The following UBTD2 variants were observed in gnomAD, a reference collection of about 807,000 sequenced individuals.
The protein encoded by UBTD2 is ubiquitin domain-containing protein 2.
A neutral mutation model predicts 19.8 loss-of-function variants in UBTD2; 9 were observed. The ratio of observed to expected loss-of-function variants is 0.46; its 90% CI spans 0.27 to 0.79. The LOEUF is 0.79. Among genes scored for constraint, UBTD2 ranks in the 30% least tolerant of loss-of-function variants. The pLI, the probability that UBTD2 is intolerant of heterozygous loss-of-function variation, is 0.14. For synonymous variants in UBTD2, 98 were observed against 103.9 expected (o/e 0.94, Z 0.35); for missense variants, 250 against 300.4 (o/e 0.83, Z 1.24).
chr5:172,234,954 T>C (rs1340556223), intron 1 of UBTD2, among the ~76,000 whole-genome samples: 2 of 145,278 alleles, frequency 1.4e-5, no homozygotes, highest in Non-Finnish European at 3.0e-5. Context: ...ATAGTTGTAA[T>C]GAATGTACCA....
chr5:172,229,299 G>C (rs540126410), intron 2 of UBTD2, among the ~76,000 whole-genome samples: 8 of 152,080 alleles, frequency 5.3e-5, no homozygotes, highest in African/African-American at 1.4e-4. Context: ...AGGAGATCGA[G>C]ACCATCCTGG....
At chr5:172,212,441 T>C (rs1750983819) in intron 2 of UBTD2, among the ~76,000 whole-genome samples, 7 of 152,216 alleles carry the variant, frequency 4.6e-5, no homozygotes. Flanking sequence ...ACGCTTATGC[T>C]CTTCTAAGTT....
chr5:172,240,386 A>C (rs190920395), intron 1 of UBTD2, among the ~76,000 whole-genome samples: 54 of 152,328 alleles, frequency 3.5e-4, no homozygotes, highest in Admixed American at 1.5e-3. Flanking sequence ...ATGAAATAAA[A>C]ATGAACTTCT....
rs1771459486 is a variant in UBTD2, at chr5:172,212,054, C to G, written c.481G>C (p.Gly161Arg). 1 of 1,614,086 alleles carries G rather than the reference C, an allele frequency of 6.2e-7. No homozygotes were observed. Among genetic ancestry groups the G allele is most frequent in the Non-Finnish European group, 8.5e-7 (1 of 1,180,044 alleles). ...CGAACCACAAGCTTGAGGTCTTTGC[C>G]TGTGGAAAGGCGCAAACGAAGCTGA... is the stretch of plus-strand genomic sequence containing the variant. ...ECQLRLRLST[G>R]KDLKLVVRST... The change falls in exon 3 of 3, where the codon GGC becomes CGC. Residue 161 changes from glycine (G) to arginine (R), a missense_variant. Physicochemically the swap from Gly to Arg is moderately radical, Grantham distance 125 (BLOSUM62 -2). Coordinates refer to ENST00000393792, the MANE Select transcript of UBTD2 (RefSeq NM_152277.3).
intron 2 of UBTD2, among the ~76,000 whole-genome samples, chr5:172,215,827 T>C (rs535740302): frequency 6.6e-6 from 1 of 152,294 alleles, no homozygotes; most frequent in African/African-American, 2.4e-5. Flanking sequence ...TACTGGTAAC[T>C]GAACACGAAT....
At position 172,283,562 on chromosome 5, in the gene UBTD2, G is replaced by A. The variant is rs1755769118; in HGVS notation, c.70+34C>T. The A allele has an allele frequency of 4.7e-6, 6 of 1,281,636 alleles. No homozygotes were observed. Among genetic ancestry groups the A allele is most frequent in the East Asian group, 3.1e-5 (1 of 32,014 alleles). The allele number at this position is 1,281,636 out of a possible 1,614,324, so 79.4% of individuals were successfully genotyped here. On this transcript the variant is annotated intron_variant, in intron 1 of 2. Transcript: ENST00000393792. This position sits in a 1 kb window ranked among gnomAD's most constrained non-coding sequence, Gnocchi z 4.3. ...GTGGCCGGGCCTGGCCGGGAACAATGGGGGGCCGAGGCTGCCCCCTGGCGC... is the reference window on the plus strand; with the variant it reads ...GTGGCCGGGCCTGGCCGGGAACAATAGGGGGCCGAGGCTGCCCCCTGGCGC...
intron 1 of UBTD2, among the ~76,000 whole-genome samples, chr5:172,274,716 T>C (rs552415301): frequency 5.9e-5 from 9 of 152,238 alleles, no homozygotes; most frequent in Middle Eastern, 3.4e-3. Context: ...TTGCAAACAC[T>C]ATGTATTAGT....
rs1771398663 is a variant in UBTD2, at chr5:172,209,669, T to TA, written c.*2160_*2161insT. On this transcript the variant is annotated 3_prime_UTR_variant, in exon 3 of 3. Coordinates refer to ENST00000393792, the MANE Select transcript of UBTD2 (RefSeq NM_152277.3). The stretch of plus-strand genomic sequence containing the variant: ...GAAAAATTGAACCTTTTTTTTTTTT[T>TA]TAAAAAAAGCACATAAACCCTACAT... 2.0e-5 allele frequency: 3 copies of TA among 151,608 alleles called. No individual in the cohort carries two copies. The highest frequency in any genetic ancestry group is 4.9e-5 in the African/African-American group (2 of 41,102). 9.4% of individuals were successfully genotyped at this position (151,608 alleles called of 1,614,324 possible).
intron 1 of UBTD2, among the ~76,000 whole-genome samples, chr5:172,240,498 A>G (rs1261028334): frequency 3.3e-5 from 5 of 152,096 alleles, no homozygotes; most frequent in Non-Finnish European, 7.3e-5. Flanking sequence ...GGGGAAAAAA[A>G]TCAACATAAC....
chr5:172,275,968 T>G (rs1755597522), intron 1 of UBTD2, among the ~76,000 whole-genome samples: 1 of 152,220 alleles, frequency 6.6e-6, no homozygotes, highest in East Asian at 1.9e-4. Context: ...TCATTCCATT[T>G]TTTTCCCTCA....
chr5:172,241,683 T>C (rs17074566), intron 1 of UBTD2, among the ~76,000 whole-genome samples: 48,992 of 151,852 alleles, frequency 0.32, 7,987 homozygotes, highest in South Asian at 0.42. Context: ...TTTCTGACAC[T>C]TTTTCTCACT....
intron 1 of UBTD2, among the ~76,000 whole-genome samples, chr5:172,275,022 C>T (rs2405645): frequency 5.1e-4 from 78 of 152,120 alleles, no homozygotes; most frequent in African/African-American, 1.7e-3. Flanking sequence ...TGCAACAGAG[C>T]GAGACTCCGT....
chr5:172,262,150 T>A (rs923010011), intron 1 of UBTD2, among the ~76,000 whole-genome samples: 10 of 152,100 alleles, frequency 6.6e-5, no homozygotes, highest in African/African-American at 1.9e-4. Flanking sequence ...AGGGTCTTTT[T>A]AAGAATCAAG....
At chr5:172,225,301 T>C (rs1476120569) in intron 2 of UBTD2, among the ~76,000 whole-genome samples, 4 of 152,250 alleles carry the variant, frequency 2.6e-5, no homozygotes, top group African/African-American at 7.2e-5. Context: ...ATCTAGATGA[T>C]TGGCTCAGAT....
At chr5:172,279,504 T>A (rs1226097116) in intron 1 of UBTD2, among the ~76,000 whole-genome samples, 1 of 152,190 alleles carries the variant, frequency 6.6e-6, no homozygotes, top group African/African-American at 2.4e-5. Context: ...GGAATGAATG[T>A]CCAGCATTCA....
intron 2 of UBTD2, among the ~76,000 whole-genome samples, chr5:172,224,622 C>G (rs943248295): frequency 2.6e-5 from 4 of 152,088 alleles, no homozygotes; most frequent in Non-Finnish European, 4.4e-5. Context: ...GGACTCTTCC[C>G]GCTCTGCTCC....
intron 1 of UBTD2, among the ~76,000 whole-genome samples, chr5:172,263,978 A>G (rs1755323374): frequency 6.6e-6 from 1 of 152,090 alleles, no homozygotes; most frequent in African/African-American, 2.4e-5. Flanking sequence ...GTGCAACAAC[A>G]CACCTAGGCT....
At chr5:172,262,309 G>T (rs1200074859) in intron 1 of UBTD2, among the ~76,000 whole-genome samples, 1 of 151,394 alleles carries the variant, frequency 6.6e-6, no homozygotes, top group Non-Finnish European at 1.5e-5. Flanking sequence ...AATTAGCTGG[G>T]CATGGTGCCA....
intron 1 of UBTD2, among the ~76,000 whole-genome samples, chr5:172,237,747 A>C (rs540473394): frequency 5.2e-4 from 79 of 152,354 alleles, no homozygotes; most frequent in African/African-American, 1.8e-3. Context: ...AAGAGGACTT[A>C]AGTTCATATT....
Sources: gnomAD v4.1 joint callset for allele counts (sites outside exome capture counted in the v4.1 genomes callset) on GRCh38, gnomAD v4.1.1 for gene constraint, Gnocchi (gnomAD v3.1) non-coding constraint, MANE v1.5 for transcripts, NCBI Gene and HGNC (gene_info 2026-07-23, HGNC 2026-07-21) for gene names.